The following CLSTN1 variants were observed in gnomAD, a reference collection of about 807,000 sequenced individuals.
CLSTN1 encodes the protein calsyntenin 1.
A neutral mutation model predicts 108.3 loss-of-function variants in CLSTN1; 28 were observed. That is an observed-to-expected ratio of 0.26 (90% CI 0.19 to 0.35). The LOEUF (loss-of-function observed/expected upper bound fraction) is 0.35. CLSTN1 is among the 10% of genes least tolerant of loss of function. The pLI is 1.00. For synonymous variants in CLSTN1, 524 were observed against 534.9 expected, an observed-to-expected ratio of 0.98 and a Z score of 0.28; for missense variants, 1,157 against 1,302.6, an observed-to-expected ratio of 0.89 and a Z score of 1.72.
chr1:9,756,627 C>T, intron 2 of CLSTN1, 117 bp from the exon 3 acceptor site: 1 of 789,418 alleles, frequency 1.3e-6, no homozygotes, highest in South Asian at 1.8e-5. Flanking sequence ...AGCTCAGCGA[C>T]CGGCTTCTAC....
intron 1 of CLSTN1, among the ~76,000 whole-genome samples, chr1:9,786,002 C>G (rs1412658253): frequency 2.0e-5 from 3 of 151,800 alleles, no homozygotes; most frequent in Non-Finnish European, 2.9e-5. Context: ...ATGATAAAAC[C>G]CTGTCTCTAC....
At chr1:9,811,731 CAAAA>C (rs34337087) in intron 1 of CLSTN1, among the ~76,000 whole-genome samples, 2 of 78,816 alleles carry the variant, frequency 2.5e-5, no homozygotes, top group African/African-American at 3.2e-5. Context: ...AAATGCATGG[CAAAA>C]AAAAAAAAAA....
At chr1:9,782,280 C>G (rs1653283620) in intron 1 of CLSTN1, among the ~76,000 whole-genome samples, 2 of 152,054 alleles carry the variant, frequency 1.3e-5, no homozygotes. Flanking sequence ...AGAATGTTTT[C>G]TTAAAGTTTT....
intron 7 of CLSTN1, among the ~76,000 whole-genome samples, chr1:9,749,017 G>A (rs202237564): frequency 2.2e-4 from 33 of 151,876 alleles, no homozygotes; most frequent in East Asian, 1.2e-3. Context: ...TGATCCTCCC[G>A]CTCAGCCTCC....
At chr1:9,777,174 T>TC (rs1407884582) in intron 1 of CLSTN1, among the ~76,000 whole-genome samples, 7 of 133,958 alleles carry the variant, frequency 5.2e-5, no homozygotes, top group Admixed American at 1.5e-4. Flanking sequence ...GAGCCAAGAT[T>TC]GTACCACTGC....
chr1:9,818,348 G>A (rs1655059248), intron 1 of CLSTN1, among the ~76,000 whole-genome samples: 1 of 150,750 alleles, frequency 6.6e-6, no homozygotes, highest in Non-Finnish European at 1.5e-5. Flanking sequence ...GTTTTTTCCT[G>A]AGACTGAGTC....
intron 5 of CLSTN1, 35 bp downstream of exon 5, chr1:9,751,438 C>A: frequency 6.2e-7 from 1 of 1,605,158 alleles, no homozygotes; most frequent in South Asian, 1.1e-5. Flanking sequence ...CAGGGACTGT[C>A]TACCTAGCTG....
intron 1 of CLSTN1, among the ~76,000 whole-genome samples, chr1:9,790,167 G>A (rs568327667): frequency 2.6e-5 from 4 of 151,318 alleles, no homozygotes; most frequent in Admixed American, 2.0e-4. Context: ...TCCGAATTCC[G>A]CTATGAAAGA....
chr1:9,800,307 T>A (rs1654201998), intron 1 of CLSTN1, among the ~76,000 whole-genome samples: 2 of 148,830 alleles, frequency 1.3e-5, no homozygotes, highest in South Asian at 2.1e-4. Context: ...TTTGAAAAGA[T>A]CAATAAAACT....
chr1:9,791,660 A>T lies in CLSTN1; in HGVS notation c.92-18266T>A, dbSNP rs547472672. Among the ~76,000 whole-genome samples the T allele has an allele frequency of 4.2e-3, 640 of 151,210 alleles. 32 individuals are homozygous for T. In the East Asian group the frequency reaches 0.046, roughly 11 times the overall value. ...AATTCTCCTGCCTCAGCCTCCTGAG[A>T]AGTTGGGATTACAGGTGCCCACCAC... is the stretch of plus-strand genomic sequence containing the variant. On this transcript the variant is annotated intron_variant, in intron 1 of 18. Transcript: ENST00000377298.
intron 7 of CLSTN1, among the ~76,000 whole-genome samples, chr1:9,748,326 G>C (rs1192322712): frequency 2.0e-5 from 3 of 152,178 alleles, no homozygotes; most frequent in African/African-American, 7.2e-5. Flanking sequence ...ACAGTAAAGA[G>C]AGACCTAGCC....
At chr1:9,779,246 G>GA (rs1653123180) in intron 1 of CLSTN1, among the ~76,000 whole-genome samples, 1 of 152,088 alleles carries the variant, frequency 6.6e-6, no homozygotes, top group African/African-American at 2.4e-5. Flanking sequence ...TCTAACCACT[G>GA]AAACTCAACA....
chr1:9,760,424 G>A (rs529622105), intron 2 of CLSTN1, among the ~76,000 whole-genome samples: 9 of 152,204 alleles, frequency 5.9e-5, no homozygotes, highest in Admixed American at 3.3e-4. Flanking sequence ...CAGCCAGTAC[G>A]CCTACCTCAA....
At chr1:9,806,223 G>C (rs1220419) in intron 1 of CLSTN1, among the ~76,000 whole-genome samples, 1 of 151,076 alleles carries the variant, frequency 6.6e-6, no homozygotes, top group African/African-American at 2.4e-5. Flanking sequence ...CCAGGGCAGG[G>C]GGGGTGGAGG....
intron 1 of CLSTN1, among the ~76,000 whole-genome samples, chr1:9,789,402 A>G (rs1570495482): frequency 6.6e-6 from 1 of 151,480 alleles, no homozygotes; most frequent in African/African-American, 2.4e-5. Flanking sequence ...AACATGCTTT[A>G]TATCAAGTAA....
In CLSTN1 at chr1:9,744,714, C is replaced by A. The variant is rs1035831636; in HGVS notation, c.986-71G>T. On this transcript the variant is annotated intron_variant, in intron 7 of 18. Transcript: ENST00000377298. ...CCCGCGCACCTCAAGCCCCCAGGCACGTGCTTGTCTTACACTTAGGCAATC... is the reference window on the plus strand; with the variant it reads ...CCCGCGCACCTCAAGCCCCCAGGCAAGTGCTTGTCTTACACTTAGGCAATC... 3 of 1,496,012 alleles carry A rather than the reference C, an allele frequency of 2.0e-6. No homozygotes were observed. In the East Asian group the frequency reaches 7.2e-5, roughly 36 times the overall value. The allele number at this position is 1,496,012 out of a possible 1,614,324, so 92.7% of individuals were successfully genotyped here.
At chr1:9,777,714 C>T (rs1023992182) in intron 1 of CLSTN1, among the ~76,000 whole-genome samples, 14 of 152,126 alleles carry the variant, frequency 9.2e-5, no homozygotes, top group Non-Finnish European at 1.9e-4. Flanking sequence ...ACAGAAGACA[C>T]CTGAGTTCTC....
chr1:9,785,791 ATTTC>A (rs1246471422), intron 1 of CLSTN1, among the ~76,000 whole-genome samples: 1 of 150,954 alleles, frequency 6.6e-6, no homozygotes, highest in Non-Finnish European at 1.5e-5. Flanking sequence ...ATTGATGTGA[ATTTC>A]TTTTTTTTTT....
Position 9,770,242 on chromosome 1 carries a change from A to G in CLSTN1, c.214+3030T>C, listed in dbSNP as rs138803561. On this transcript the variant is annotated intron_variant, in intron 2 of 18. Coordinates refer to ENST00000377298, the MANE Select transcript of CLSTN1 (RefSeq NM_001009566.3). ...TCTATACAGTTAAAATACATATCACAACATATAATTTTTGTACATCAGTAA... is the reference window on the plus strand; with the variant it reads ...TCTATACAGTTAAAATACATATCACGACATATAATTTTTGTACATCAGTAA... 2.2e-3 allele frequency among the ~76,000 whole-genome samples: 339 copies of G among 152,360 alleles called. 1 individual carries two copies. The highest frequency in any genetic ancestry group is 7.9e-3 in the African/African-American group (327 of 41,592).
Sources: allele counts gnomAD v4.1 joint callset (sites outside exome capture counted in the v4.1 genomes callset), GRCh38; gene constraint gnomAD v4.1.1; transcripts MANE v1.5; gene names NCBI Gene and HGNC (gene_info 2026-07-23, HGNC 2026-07-21).